The following ARHGEF6 variants were observed in gnomAD, a reference collection of about 807,000 sequenced individuals.
ARHGEF6 encodes the protein rho guanine nucleotide exchange factor 6.
ARHGEF6 carries 9 observed loss-of-function variants against 70.3 expected under a neutral mutation model. The observed-to-expected ratio is 0.13, with a 90% CI of 0.08 to 0.22. ARHGEF6 has a LOEUF of 0.22. ARHGEF6 is among the 10% of genes least tolerant of loss of function. ARHGEF6 has a pLI of 1.00. For synonymous variants in ARHGEF6, 201 were observed against 207.8 expected, an observed-to-expected ratio of 0.97 and a Z score of 0.28; for missense variants, 470 against 563.0, an observed-to-expected ratio of 0.83 and a Z score of 1.67.
intron 6 of ARHGEF6, among the ~76,000 whole-genome samples, chrX:136,730,140 A>C (rs930187469): frequency 5.4e-5 from 6 of 111,011 alleles, no homozygotes; most frequent in African/African-American, 2.0e-4. Flanking sequence ...TTTTTAATGA[A>C]GTAAAAATCA....
chrX:136,738,530 C>G (rs1268957438), intron 5 of ARHGEF6, among the ~76,000 whole-genome samples: 1 of 112,661 alleles, frequency 8.9e-6, no homozygotes, highest in East Asian at 2.8e-4. Context: ...TTATGCTCCT[C>G]TCTTCTCCTC....
At chrX:136,776,598 C>A (rs777014233) in intron 2 of ARHGEF6, among the ~76,000 whole-genome samples, 1 of 111,322 alleles carries the variant, frequency 9.0e-6, no homozygotes, top group South Asian at 3.7e-4. Flanking sequence ...GACCTGAAAT[C>A]ATAAAAATTC....
At chrX:136,692,418 G>A (rs1314167041) in intron 9 of ARHGEF6, among the ~76,000 whole-genome samples, 5 of 111,137 alleles carry the variant, frequency 4.5e-5, no homozygotes, top group Non-Finnish European at 7.5e-5. Context: ...ATCAGTTTTC[G>A]TAGTCTTGTT....
chrX:136,725,101 T>C (rs748917637), intron 6 of ARHGEF6, among the ~76,000 whole-genome samples: 51 of 111,054 alleles, frequency 4.6e-4, no homozygotes, highest in African/African-American at 1.5e-3. Context: ...AGATGCCAAG[T>C]GTCCTGCTCC....
intron 2 of ARHGEF6, among the ~76,000 whole-genome samples, chrX:136,748,807 T>C (rs192644552): frequency 4.5e-5 from 5 of 112,330 alleles, no homozygotes; most frequent in Non-Finnish European, 5.6e-5. Context: ...TTAAGCTGCA[T>C]ATTTTCTGGG....
chrX:136,686,056 A>C (rs948928806), intron 11 of ARHGEF6, among the ~76,000 whole-genome samples: 1 of 111,809 alleles, frequency 8.9e-6, no homozygotes, highest in African/African-American at 3.3e-5. Flanking sequence ...ATTTTGCCAA[A>C]GCATCAAAAC....
At chrX:136,681,857 A>G in intron 14 of ARHGEF6, 33 bp downstream of exon 14, 1 of 1,089,322 alleles carries the variant, frequency 9.2e-7, no homozygotes. Flanking sequence ...AAAGAATTGG[A>G]AGTAGTTACA....
intron 9 of ARHGEF6, among the ~76,000 whole-genome samples, chrX:136,701,702 C>CTTTT (rs762628006): frequency 2.2e-4 from 15 of 68,210 alleles, no homozygotes; most frequent in African/African-American, 3.7e-4. Flanking sequence ...TTTCATTTTT[C>CTTTT]TTTTTTTTTT....
intron 2 of ARHGEF6, among the ~76,000 whole-genome samples, chrX:136,775,140 T>G (rs1400842798): frequency 1.8e-5 from 2 of 111,109 alleles, no homozygotes; most frequent in African/African-American, 6.6e-5. Flanking sequence ...TTGGTACCAA[T>G]CCTTCTAAAA....
chrX:136,720,691 C>T (rs2076787294), intron 6 of ARHGEF6, among the ~76,000 whole-genome samples: 1 of 111,269 alleles, frequency 9.0e-6, no homozygotes, highest in Admixed American at 9.5e-5. Flanking sequence ...AAGGTATACA[C>T]ATTGGGAAGG....
chrX:136,675,160 A>G, intron 18 of ARHGEF6, 64 bp from the exon 19 acceptor site: 1 of 970,555 alleles, frequency 1.0e-6, no homozygotes, highest in Non-Finnish European at 1.5e-6. Context: ...AAAATGATGC[A>G]GCACACTCCA....
At chrX:136,764,880 C>T (rs1345430189) in intron 2 of ARHGEF6, among the ~76,000 whole-genome samples, 2 of 112,083 alleles carry the variant, frequency 1.8e-5, no homozygotes, top group East Asian at 2.8e-4. Flanking sequence ...GGTTATAAGA[C>T]CCCAAAATTT....
At chrX:136,727,349 CTTTCTTTCTT>C (rs1488387353) in intron 6 of ARHGEF6, among the ~76,000 whole-genome samples, 14 of 48,211 alleles carry the variant, frequency 2.9e-4, no homozygotes, top group Non-Finnish European at 4.5e-4. Context: ...TTCTTTCTTT[CTTTCTTTCTT>C]TCTTTCTTTC....
intron 6 of ARHGEF6, among the ~76,000 whole-genome samples, chrX:136,727,383 TTC>T (rs1455620120): frequency 3.0e-5 from 2 of 67,465 alleles, no homozygotes; most frequent in Non-Finnish European, 5.5e-5. Context: ...CTTTCTTTCT[TTC>T]TTTCTTTCTT....
At position 136,760,456 on chromosome X, in the gene ARHGEF6, T is replaced by C. The variant is rs2077254458; in HGVS notation, c.250-12864A>G. On this transcript the variant is annotated intron_variant, in intron 2 of 21. Transcript: ENST00000250617. ...AATAAAGAGGTATATTGTGTTCTGTTGTCCCCAGAAACAGCCTGGATTACA... is the reference window on the plus strand; with the variant it reads ...AATAAAGAGGTATATTGTGTTCTGTCGTCCCCAGAAACAGCCTGGATTACA... 3.6e-5 allele frequency among the ~76,000 whole-genome samples: 4 copies of C among 112,513 alleles called. No homozygotes were observed. The East Asian group carries it at 1.1e-3, about 31-fold the overall frequency.
At chrX:136,727,477 C>T in intron 6 of ARHGEF6, among the ~76,000 whole-genome samples, 1 of 99,600 alleles carries the variant, frequency 1.0e-5, no homozygotes, top group Non-Finnish European at 2.0e-5. Flanking sequence ...TTCTCTCTTT[C>T]TTTCCTTCTC....
chrX:136,676,399 G>C (rs926719933), intron 18 of ARHGEF6, among the ~76,000 whole-genome samples: 5 of 112,377 alleles, frequency 4.4e-5, no homozygotes, highest in Non-Finnish European at 9.4e-5. Context: ...ACACAAAAAT[G>C]ATACAGATGA....
rs1295530609 is a variant in ARHGEF6 at position 136,747,522 on chromosome X, T to C, written c.320A>G (p.Asn107Ser). The stretch of plus-strand genomic sequence containing the variant: ...GCCCGGCTTACCTTCTGTTGCTTTG[T>C]TGACAGCTAAAAGAGTACTCAGTAC... ...SKVLSTLLAV[N>S]KATEDQLSER... Residue 107 changes from asparagine to serine, a missense_variant, in exon 3 of 22, where the codon AAC (asparagine) becomes AGC (serine). Around this residue, in one of 3 missense-constraint regions of ARHGEF6, gnomAD observed 379 missense variants for 449.3 expected, o/e 0.84. Coordinates refer to ENST00000250617, the MANE Select transcript of ARHGEF6 (RefSeq NM_004840.3). 8.3e-7 allele frequency: 1 copy of C among 1,208,475 alleles called. No individual in the cohort carries two copies. Among genetic ancestry groups the C allele is most frequent in the Non-Finnish European group, 1.1e-6 (1 of 893,547 alleles).
At chrX:136,692,108 A>T (rs1443913749) in intron 9 of ARHGEF6, among the ~76,000 whole-genome samples, 1 of 111,572 alleles carries the variant, frequency 9.0e-6, no homozygotes, top group Non-Finnish European at 1.9e-5. Flanking sequence ...TTTTCTGAGC[A>T]GGAGAGAAAA....
Sources: gnomAD v4.1 joint callset for allele counts (sites outside exome capture counted in the v4.1 genomes callset) on GRCh38, gnomAD v4.1.1 for gene constraint, gnomAD v4.1.1 regional missense constraint, MANE v1.5 for transcripts, NCBI Gene and HGNC (gene_info 2026-07-23, HGNC 2026-07-21) for gene names.